RIMBP2: variants seen among roughly 807,000 people sequenced by gnomAD.
RIMBP2 encodes the protein RIMS binding protein 2, also known as RIMS-binding protein 2.
Under a neutral mutation model 118.6 loss-of-function variants are expected in RIMBP2, and 48 were observed. The observed-to-expected ratio is 0.40, with a 90% CI of 0.32 to 0.51. The LOEUF is 0.51. Ranked by LOEUF, RIMBP2 falls within the 20% of genes least tolerant of loss-of-function variation. The pLI is 0.41. For missense variants in RIMBP2, 1,551 were observed against 1,768.3 expected, an observed-to-expected ratio of 0.88 and a Z score of 2.20; for synonymous variants, 762 against 742.9, an observed-to-expected ratio of 1.03 and a Z score of -0.42.
chr12:130,535,824 G>A (rs1412843361), intron 2 of RIMBP2, among the ~76,000 whole-genome samples: 3 of 146,986 alleles, frequency 2.0e-5, no homozygotes, highest in Admixed American at 6.9e-5. Context: ...TGTCACTCAG[G>A]CTGGAGTGCA....
intron 4 of RIMBP2, among the ~76,000 whole-genome samples, chr12:130,487,070 C>T (rs1367980540): frequency 1.3e-5 from 2 of 152,274 alleles, no homozygotes; most frequent in African/African-American, 4.8e-5. Flanking sequence ...TCTGCCCTCA[C>T]CTCTCACCTC....
chr12:130,658,169 C>G lies in RIMBP2; in HGVS notation c.-351-29713G>C, dbSNP rs1468161841. The G allele has an allele frequency of 3.3e-5, 5 of 152,366 alleles. No individual in the cohort carries two copies. In the East Asian group the frequency reaches 9.7e-4, roughly 29 times the overall value. The allele number at this position is 152,366 out of a possible 1,614,324, so 9.4% of individuals were successfully genotyped here. ...CTTTGTGACCGGAAGGCCACGGCTT[C>G]CAGGAGCCTGAGGAGGGAAGGTCAG... On this transcript the variant is annotated intron_variant, in intron 1 of 22. Coordinates refer to ENST00000690449, the MANE Select transcript of RIMBP2 (RefSeq NM_001393629.1).
At chr12:130,609,386 A>ATGGTGGGAATTCAGCCTGAGACTGCAAG (rs1555307250) in intron 2 of RIMBP2, among the ~76,000 whole-genome samples, 1 of 151,190 alleles carries the variant, frequency 6.6e-6, no homozygotes, top group African/African-American at 2.4e-5. Context: ...TGAAATCCTG[A>ATGGTGGGAATTCAGCCTGAGACTGCAAG]CACTGATGTT....
At chr12:130,487,057 T>C (rs1049993743) in intron 4 of RIMBP2, among the ~76,000 whole-genome samples, 17 of 152,220 alleles carry the variant, frequency 1.1e-4, no homozygotes, top group African/African-American at 4.1e-4. Flanking sequence ...ATCCAGCCTC[T>C]TCTCTGCCCT....
intron 4 of RIMBP2, among the ~76,000 whole-genome samples, chr12:130,499,934 T>G (rs1475844459): frequency 6.6e-6 from 1 of 152,200 alleles, no homozygotes; most frequent in Non-Finnish European, 1.5e-5. Context: ...TGGGTTCAAT[T>G]AGATTTCTTT....
intron 3 of RIMBP2, among the ~76,000 whole-genome samples, chr12:130,517,502 A>G (rs1370601204): frequency 6.6e-6 from 1 of 152,182 alleles, no homozygotes; most frequent in Non-Finnish European, 1.5e-5. Context: ...ATGGAGGCTC[A>G]GGCAACCAGG....
chr12:130,655,123 A>G (rs916377016), intron 1 of RIMBP2, among the ~76,000 whole-genome samples: 18 of 152,266 alleles, frequency 1.2e-4, no homozygotes, highest in Non-Finnish European at 2.6e-4. Context: ...AAACACACAA[A>G]TGACACACTA....
intron 9 of RIMBP2, among the ~76,000 whole-genome samples, chr12:130,449,447 G>C (rs984541196): frequency 3.9e-5 from 6 of 152,214 alleles, no homozygotes; most frequent in African/African-American, 1.4e-4. Flanking sequence ...CCCTGCACGG[G>C]AAGCCCACTC....
At chr12:130,471,141 G>A (rs1030654201) in intron 5 of RIMBP2, among the ~76,000 whole-genome samples, 1 of 152,358 alleles carries the variant, frequency 6.6e-6, no homozygotes, top group Non-Finnish European at 1.5e-5. Context: ...CCAGGCCCTG[G>A]AGGAGGGGCC....
In RIMBP2 at chr12:130,439,079, G is replaced by A. The variant is rs565083230; in HGVS notation, c.1505-563C>T. On this transcript the variant is annotated intron_variant, in intron 11 of 22. Transcript: ENST00000690449. ...CCCATGAAACTGAGCAAAACTGAAA[G>A]ATGAAGAGACCAGGTCTGATGACAT... Among the ~76,000 whole-genome samples, 566 of 151,426 alleles carry A rather than the reference G, an allele frequency of 3.7e-3. 8 individuals are homozygous for A. Among genetic ancestry groups the A allele is most frequent in the Non-Finnish European group, 2.5e-3 (171 of 67,948 alleles).
intron 5 of RIMBP2, among the ~76,000 whole-genome samples, chr12:130,474,601 T>C (rs564286594): frequency 1.2e-3 from 188 of 152,288 alleles, no homozygotes; most frequent in African/African-American, 4.3e-3. Context: ...TGGAGTGGCG[T>C]CTGGTCTGAG....
At chr12:130,519,977 G>T (rs548761713) in intron 2 of RIMBP2, among the ~76,000 whole-genome samples, 7 of 152,236 alleles carry the variant, frequency 4.6e-5, no homozygotes, top group Admixed American at 1.3e-4. Context: ...CCCTCCTGAA[G>T]GCATTGCAAT....
chr12:130,479,185 C>T (rs1157688288), intron 4 of RIMBP2, among the ~76,000 whole-genome samples, 169 bp from the exon 5 acceptor site: 5 of 152,224 alleles, frequency 3.3e-5, no homozygotes, highest in South Asian at 2.1e-4. Context: ...CCTCCAGAGG[C>T]GGCACTCCCA....
rs574183204 is a variant in RIMBP2, at chr12:130,639,699, T to C, written c.-351-11243A>G. On this transcript the variant is annotated intron_variant, in intron 1 of 22. Transcript: ENST00000690449. ...GGGCTGGGACTACCGTGTCCTCTGC[T>C]ATACTCCCAGTCCCCGAATGGCACC... Among the ~76,000 whole-genome samples, 6 of 152,238 alleles carry C rather than the reference T, an allele frequency of 3.9e-5. No homozygotes were observed. In the East Asian group the frequency reaches 1.2e-3, roughly 29 times the overall value.
chr12:130,558,526 G>A (rs891116437), intron 2 of RIMBP2, among the ~76,000 whole-genome samples: 7 of 152,164 alleles, frequency 4.6e-5, no homozygotes, highest in African/African-American at 1.7e-4. Flanking sequence ...GGGTACGTCA[G>A]CAGCCGTGCA....
At chr12:130,427,670 G>A (rs934686417) in intron 15 of RIMBP2, 1 of 152,540 alleles carries the variant, frequency 6.6e-6, no homozygotes, top group South Asian at 2.1e-4. Context: ...CTGTCTTTGA[G>A]GCCGGTGTGA....
Position 130,524,937 on chromosome 12 carries a change from G to A in RIMBP2, c.-216-7020C>T, listed in dbSNP as rs373039714. ...TAAGGGATGGGGCACGTTCGGTTGC[G>A]CTGGGGCTTGGTGAGTGTGAGACCC... On this transcript the variant is annotated intron_variant, in intron 2 of 22. Transcript: ENST00000690449. Among the ~76,000 whole-genome samples the A allele has an allele frequency of 1.8e-4, 27 of 152,326 alleles. 1 individual carries two copies. Among genetic ancestry groups the A allele is most frequent in the South Asian group, 1.4e-3 (7 of 4,828 alleles).
chr12:130,513,406 C>T lies in RIMBP2; in HGVS notation c.-127+4422G>A, dbSNP rs574501481. 1.3e-3 allele frequency among the ~76,000 whole-genome samples: 198 copies of T among 152,280 alleles called. 1 individual carries two copies. The highest frequency in any genetic ancestry group is 4.7e-3 in the African/African-American group (195 of 41,552). On this transcript the variant is annotated intron_variant, in intron 3 of 22. Coordinates refer to ENST00000690449, the MANE Select transcript of RIMBP2 (RefSeq NM_001393629.1). ...TCAAAATAGATTCTTGTGGCAGCAA[C>T]GGTGGCACCAGGTGGAAGAGAAGCT...
intron 1 of RIMBP2, among the ~76,000 whole-genome samples, chr12:130,677,735 C>G (rs200263471): frequency 0.031 from 4,742 of 152,332 alleles, 131 homozygotes; most frequent in East Asian, 0.11. Context: ...TCCATCAGGG[C>G]CCCACTAGGC....
Sources: gnomAD v4.1 joint callset for allele counts (sites outside exome capture counted in the v4.1 genomes callset) on GRCh38, gnomAD v4.1.1 for gene constraint, MANE v1.5 for transcripts, NCBI Gene and HGNC (gene_info 2026-07-23, HGNC 2026-07-21) for gene names.